MTA1: variants seen among roughly 807,000 people sequenced by gnomAD.
MTA1 encodes metastasis-associated protein MTA1.
Under a neutral mutation model 97.0 loss-of-function variants are expected in MTA1, and 15 were observed. The ratio of observed to expected loss-of-function variants is 0.15; its 90% CI spans 0.10 to 0.24. The LOEUF is 0.24. Among genes scored for constraint, MTA1 ranks in the 10% least tolerant of loss-of-function variants. MTA1 has a pLI of 1.00. For synonymous variants in MTA1, 435 were observed against 417.5 expected (o/e 1.04, Z -0.51); for missense variants, 709 against 1,015.1 (o/e 0.70, Z 4.10).
Position 105,425,014 on chromosome 14 carries a change from C to T in MTA1, c.28+4951C>T, listed in dbSNP as rs78841430. On this transcript the variant is annotated intron_variant, in intron 1 of 20. Coordinates refer to ENST00000331320, the MANE Select transcript of MTA1 (RefSeq NM_004689.4). ...CTACCTAGAGGTGGGTCCCCAGCTG[C>T]GCATCTGGACGCTGGTCAGCAGGTG... 3.7e-3 allele frequency among the ~76,000 whole-genome samples: 569 copies of T among 152,304 alleles called. 8 individuals carry two copies. The highest frequency in any genetic ancestry group is 0.013 in the African/African-American group (554 of 41,566).
intron 1 of MTA1, among the ~76,000 whole-genome samples, chr14:105,432,402 G>A (rs1042244333): frequency 5.3e-5 from 8 of 151,970 alleles, no homozygotes; most frequent in Non-Finnish European, 7.4e-5. Flanking sequence ...CACCATGCCC[G>A]GCTAATTTTT....
At chr14:105,442,979 C>T (rs1295591196) in intron 2 of MTA1, among the ~76,000 whole-genome samples, 3 of 152,234 alleles carry the variant, frequency 2.0e-5, no homozygotes, top group Non-Finnish European at 2.9e-5. Context: ...CCTGGCCCCA[C>T]GGTCCCAGCT....
At position 105,464,083 on chromosome 14, in the gene MTA1, G is replaced by A. The variant is rs143539587; in HGVS notation, c.1128G>A (p.Val376=). ...QISVNNVKAG[V]VNGTGAPGQS... is the part of the protein sequence containing the mutation. ...GCGTCAACAACGTCAAGGCCGGTGT[G>A]GTGAACGGCACGGGGGCGCCGGGCC... The change falls in exon 13 of 21, where the codon GTG becomes GTA. Residue 376 remains valine (V), a synonymous_variant. Transcript: ENST00000331320. 29 of 1,612,354 alleles carry A rather than the reference G, an allele frequency of 1.8e-5. No homozygotes were observed. Among genetic ancestry groups the A allele is most frequent in the Non-Finnish European group, 3.4e-6 (4 of 1,179,770 alleles).
chr14:105,421,731 C>T (rs587643165), intron 1 of MTA1, among the ~76,000 whole-genome samples: 2 of 152,386 alleles, frequency 1.3e-5, no homozygotes, highest in South Asian at 4.1e-4. Flanking sequence ...CCTGTGGCAG[C>T]TGTGCTGTGG....
chr14:105,441,994 T>C (rs1473255003), intron 2 of MTA1, among the ~76,000 whole-genome samples: 1 of 151,970 alleles, frequency 6.6e-6, no homozygotes, highest in African/African-American at 2.4e-5. Context: ...GGTGATAAAG[T>C]TGAGGATACC....
In MTA1 at chr14:105,426,361, G is replaced by A. The variant is rs188433149; in HGVS notation, c.28+6298G>A. Among the ~76,000 whole-genome samples the A allele has an allele frequency of 5.7e-5, 7 of 123,312 alleles. No individual in the cohort carries two copies. The East Asian group carries it at 1.4e-3, about 25-fold the overall frequency. 80.9% of individuals were successfully genotyped at this position (123,312 alleles called of 152,430 possible). ...TGCACTCCAGCCTGGGTGACAGAGC[G>A]AGACTTCGTCTCACAAAAAAAAAAA... On this transcript the variant is annotated intron_variant, in intron 1 of 20. Transcript: ENST00000331320.
rs782671125 is a variant in MTA1 at position 105,460,326 on chromosome 14, G to A, written c.654-32G>A. 7.6e-6 allele frequency: 12 copies of A among 1,574,086 alleles called. No individual in the cohort carries two copies. In the East Asian group the frequency reaches 2.3e-4, roughly 30 times the overall value. On this transcript the variant is annotated intron_variant, in intron 8 of 20. Transcript: ENST00000331320. ...GCCTGTGGGGAGTCCCTGCTTGGCCGACACTGTGGTCAGCGCATCTCCTTT... is the reference window on the plus strand; with the variant it reads ...GCCTGTGGGGAGTCCCTGCTTGGCCAACACTGTGGTCAGCGCATCTCCTTT...
intron 2 of MTA1, among the ~76,000 whole-genome samples, chr14:105,443,773 C>T (rs1335387040): frequency 3.3e-5 from 5 of 152,146 alleles, no homozygotes; most frequent in African/African-American, 1.2e-4. Context: ...GTGGTGAAAC[C>T]CCGTCTCTAC....
At chr14:105,431,170 C>A (rs201934966) in intron 1 of MTA1, among the ~76,000 whole-genome samples, 3 of 152,218 alleles carry the variant, frequency 2.0e-5, no homozygotes, top group East Asian at 3.8e-4. Context: ...GTCCTCACTT[C>A]TCCTGCCTCA....
rs1385349210 is a variant in MTA1 at position 105,470,334 on chromosome 14, A to G, written c.*119A>G. ...CCCCACCTCCCGCCCTCACCTGCAG[A>G]GAAACGCGCTCCTTGGCGGACACTG... On this transcript the variant is annotated 3_prime_UTR_variant, in exon 21 of 21. Transcript: ENST00000331320. 1 of 831,550 alleles carries G rather than the reference A, an allele frequency of 1.2e-6. No individual in the cohort carries two copies. Among genetic ancestry groups the G allele is most frequent in the Admixed American group, 4.1e-5 (1 of 24,526 alleles). 51.5% of individuals were successfully genotyped at this position (831,550 alleles called of 1,614,324 possible). A position where few individuals can be genotyped will look rare whatever the true frequency, so the allele number is the denominator to read the frequency against.
At chr14:105,467,579 AC>A (rs1209100417) in intron 18 of MTA1, 1 of 436,382 alleles carries the variant, frequency 2.3e-6, no homozygotes, top group Admixed American at 2.4e-5. Context: ...CCCCATCTCC[AC>A]CTGTCTGGAC....
At chr14:105,438,801 C>G in intron 2 of MTA1, 62 bp downstream of exon 2, 1 of 1,567,360 alleles carries the variant, frequency 6.4e-7, no homozygotes, top group Non-Finnish European at 8.7e-7. Flanking sequence ...CCAGCTCCTG[C>G]CCTGTGGGTG....
chr14:105,460,672 G>A, intron 9 of MTA1, 93 bp from the exon 10 acceptor site: 1 of 1,373,522 alleles, frequency 7.3e-7, no homozygotes, highest in African/African-American at 1.4e-5. Context: ...GCCTGCAGTA[G>A]GGGATCCTTG....
intron 7 of MTA1, among the ~76,000 whole-genome samples, chr14:105,455,925 C>T (rs1388992746): frequency 6.6e-6 from 1 of 150,892 alleles, no homozygotes; most frequent in Non-Finnish European, 1.5e-5. Context: ...TGCTGGAGCC[C>T]GGCCTGTGGG....
At chr14:105,466,618 C>G in intron 17 of MTA1, 40 bp downstream of exon 17, 1 of 1,568,586 alleles carries the variant, frequency 6.4e-7, no homozygotes, top group Non-Finnish European at 8.7e-7. Flanking sequence ...GCCCTCCCCG[C>G]CCGGTGAGTC....
chr14:105,419,946 C>T lies in MTA1; in HGVS notation c.-90C>T. 2.1e-6 allele frequency: 1 copy of T among 483,340 alleles called. No homozygotes were observed. Among genetic ancestry groups the T allele is most frequent in the Non-Finnish European group, 2.7e-6 (1 of 371,872 alleles). The allele number at this position is 483,340 out of a possible 1,614,324, so 29.9% of individuals were successfully genotyped here. On this transcript the variant is annotated 5_prime_UTR_variant, in exon 1 of 21. Transcript: ENST00000331320. The stretch of plus-strand genomic sequence containing the variant: ...GCCCCTTTAAACGCCTGCGGCGCCC[C>T]CCGCCCCCGCCATCGCGCCTCCATT...
chr14:105,469,133 C>T lies in MTA1; in HGVS notation c.1814-334C>T, dbSNP rs782804138. The T allele has an allele frequency of 2.8e-4, 152 of 547,978 alleles. 1 individual carries two copies. The highest frequency in any genetic ancestry group is 1.5e-3 in the African/African-American group (79 of 53,692). The allele number at this position is 547,978 out of a possible 1,614,324, so 33.9% of individuals were successfully genotyped here. ...TGCCGCTGCTGGACTGACAGCCTTGCGAGGCTTTGCTTGTCTCGGCACGGC... is the reference window on the plus strand; with the variant it reads ...TGCCGCTGCTGGACTGACAGCCTTGTGAGGCTTTGCTTGTCTCGGCACGGC... On this transcript the variant is annotated intron_variant, in intron 18 of 20. Coordinates refer to ENST00000331320, the MANE Select transcript of MTA1 (RefSeq NM_004689.4).
At chr14:105,461,064 C>A in intron 10 of MTA1, 111 bp downstream of exon 10, 2 of 1,120,850 alleles carry the variant, frequency 1.8e-6, no homozygotes, top group Non-Finnish European at 2.6e-6. Context: ...CTGTCCTGCA[C>A]CCTGATTCCC....
In MTA1 at chr14:105,424,295, A is replaced by G. The variant is rs1555421714; in HGVS notation, c.28+4232A>G. On this transcript the variant is annotated intron_variant, in intron 1 of 20. Coordinates refer to ENST00000331320, the MANE Select transcript of MTA1 (RefSeq NM_004689.4). The surrounding 1 kb of genome is among the most constrained non-coding windows in gnomAD (Gnocchi z 4.0). Reference sequence around the variant, plus strand: ...CTGCAAGTCCGCCTCCCGGGTTCACACCATTCTCCTGCCTCAGCCTCCCAA... The same window carrying G: ...CTGCAAGTCCGCCTCCCGGGTTCACGCCATTCTCCTGCCTCAGCCTCCCAA... Among the ~76,000 whole-genome samples, 2 of 151,486 alleles carry G rather than the reference A, an allele frequency of 1.3e-5. No homozygotes were observed. The highest frequency in any genetic ancestry group is 2.9e-5 in the Non-Finnish European group (2 of 67,892).
Sources: gnomAD v4.1 joint callset for allele counts (sites outside exome capture counted in the v4.1 genomes callset) on GRCh38, gnomAD v4.1.1 for gene constraint, Gnocchi (gnomAD v3.1) non-coding constraint, MANE v1.5 for transcripts, NCBI Gene and HGNC (gene_info 2026-07-23, HGNC 2026-07-21) for gene names.